The following KIF24 variants were observed in gnomAD, a reference collection of about 807,000 sequenced individuals.
KIF24 encodes kinesin family member 24.
A neutral mutation model predicts 118.9 loss-of-function variants in KIF24; 81 were observed. The ratio of observed to expected loss-of-function variants is 0.68; its 90% CI spans 0.57 to 0.82. The LOEUF (loss-of-function observed/expected upper bound fraction) is 0.82. KIF24 is among the 40% of genes least tolerant of loss of function. The pLI, the probability that KIF24 is intolerant of heterozygous loss-of-function variation, is 0.00. For synonymous variants in KIF24, 599 were observed against 610.0 expected, an observed-to-expected ratio of 0.98 and a Z score of 0.27; for missense variants, 1,560 against 1,661.6, an observed-to-expected ratio of 0.94 and a Z score of 1.06.
At position 34,256,024 on chromosome 9, in the gene KIF24, T is replaced by C. The variant is rs755772749; in HGVS notation, c.3583A>G (p.Ile1195Val). The change falls in exon 11 of 13, where the codon ATA (isoleucine) becomes GTA (valine). Residue 1195 changes from isoleucine to valine, a missense_variant. Around this residue, in one of 3 missense-constraint regions of KIF24, gnomAD observed 591 missense variants for 655.6 expected, o/e 0.90. Coordinates refer to ENST00000402558, the MANE Select transcript of KIF24 (RefSeq NM_194313.4). ...CCAGAATGGGGTACCCCCATATGTA[T>C]GGTGGTGAAGGGCTTTCCTGGGAAA... The part of the protein sequence containing the change: ...WGFPGKPFTT[I>V]HMGVPHSGPT... 8.4e-5 allele frequency: 135 copies of C among 1,613,782 alleles called. No individual in the cohort carries two copies. The highest frequency in any genetic ancestry group is 1.0e-4 in the Non-Finnish European group (120 of 1,179,856).
Position 34,290,284 on chromosome 9 carries a change from A to C in KIF24, c.1017T>G (p.Asp339Glu). The C allele has an allele frequency of 6.2e-7, 1 of 1,613,570 alleles. No homozygotes were observed. Among genetic ancestry groups the C allele is most frequent in the Non-Finnish European group, 8.5e-7 (1 of 1,179,482 alleles). ...NPGLYALAAKDIFRQLEVSQP... is the reference protein window; with the variant it reads ...NPGLYALAAKEIFRQLEVSQP... The stretch of plus-strand genomic sequence containing the variant: ...GGGACACTTCTAGTTGCCTGAAGAT[A>C]TCTTTGGCAGCTAGAGCATACAATC... The change falls in exon 5 of 13, where the codon GAT becomes GAG. Residue 339 changes from aspartate (D) to glutamate (E), a missense_variant. Around this residue, in one of 3 missense-constraint regions of KIF24, gnomAD observed 964 missense variants for 988.0 expected, o/e 0.98. Transcript: ENST00000402558.
chr9:34,293,766 G>A lies in KIF24; in HGVS notation c.911+3251C>T, dbSNP rs571300244. Among the ~76,000 whole-genome samples the A allele has an allele frequency of 3.9e-5, 6 of 152,114 alleles. No individual in the cohort carries two copies. In the South Asian group the frequency reaches 8.3e-4, roughly 21 times the overall value. ...ACTCCAGCCTGGGCTGCGAGACTCC[G>A]TCTCAAAAAAAAGAACATGAAAAGA... On this transcript the variant is annotated intron_variant, in intron 4 of 12. Transcript: ENST00000402558.
chr9:34,272,060 G>A, intron 6 of KIF24, 130 bp from the exon 7 acceptor site: 4 of 682,548 alleles, frequency 5.9e-6, no homozygotes, highest in African/African-American at 1.8e-5. Context: ...TTCTGTCCAG[G>A]TGGAAAACTG....
At chr9:34,316,461 C>T (rs538820892) in intron 1 of KIF24, among the ~76,000 whole-genome samples, 15 of 152,250 alleles carry the variant, frequency 9.9e-5, no homozygotes, top group Admixed American at 2.6e-4. Flanking sequence ...TAATTCTTTA[C>T]GAGTCCCATC....
At chr9:34,262,404 T>C (rs1001067143) in intron 9 of KIF24, among the ~76,000 whole-genome samples, 2 of 151,964 alleles carry the variant, frequency 1.3e-5, no homozygotes, top group Admixed American at 6.6e-5. Flanking sequence ...GAAAAGTTGT[T>C]TTGGATTTCA....
At chr9:34,280,427 CCTTTAATTG>C (rs1406144711) in intron 6 of KIF24, among the ~76,000 whole-genome samples, 1 of 151,942 alleles carries the variant, frequency 6.6e-6, no homozygotes, top group Non-Finnish European at 1.5e-5. Context: ...GCTTCTTTCG[CCTTTAATTG>C]GTCTAATCTT....
At position 34,318,612 on chromosome 9, in the gene KIF24, C is replaced by T. The variant is rs1216344688; in HGVS notation, c.-25-7241G>A. On this transcript the variant is annotated intron_variant, in intron 1 of 12. Transcript: ENST00000402558. This position sits in a 1 kb window ranked among gnomAD's most constrained non-coding sequence, Gnocchi z 4.9. ...CAGGCGGTGGAGAACATCCTGGTGT[C>T]GCCCGTGGTGGTGGCCTCGTCGTTG... is the stretch of plus-strand genomic sequence containing the variant. The T allele has an allele frequency of 6.7e-6, 10 of 1,491,078 alleles. No homozygotes were observed. Among genetic ancestry groups the T allele is most frequent in the Admixed American group, 3.5e-5 (2 of 57,236 alleles). The allele number at this position is 1,491,078 out of a possible 1,614,324, so 92.4% of individuals were successfully genotyped here.
intron 1 of KIF24, among the ~76,000 whole-genome samples, chr9:34,321,661 C>T (rs1447998330): frequency 7.2e-6 from 1 of 137,970 alleles, no homozygotes; most frequent in Non-Finnish European, 1.5e-5. Flanking sequence ...GGCTGGAGTA[C>T]AGTGGTGCAA....
At chr9:34,309,963 G>A (rs1463305043) in intron 2 of KIF24, among the ~76,000 whole-genome samples, 1 of 114,748 alleles carries the variant, frequency 8.7e-6, no homozygotes. Flanking sequence ...AATAAAACAA[G>A]GAGTACTTTT....
intron 2 of KIF24, among the ~76,000 whole-genome samples, chr9:34,310,048 C>T (rs1837078089): frequency 6.7e-6 from 1 of 149,664 alleles, no homozygotes; most frequent in Admixed American, 6.7e-5. Context: ...CTTGTTATTT[C>T]ACCTCTTAGG....
rs1304173194 is a variant in KIF24, at chr9:34,314,653, C to A, written c.-25-3282G>T. ...TATCAAAATTACAAATGCAAATGCA[C>A]TGATCCAGCAATTCTACCTCTAGGA... On this transcript the variant is annotated intron_variant, in intron 1 of 12. Coordinates refer to ENST00000402558, the MANE Select transcript of KIF24 (RefSeq NM_194313.4). Among the ~76,000 whole-genome samples, 3 of 152,196 alleles carry A rather than the reference C, an allele frequency of 2.0e-5. No individual in the cohort carries two copies. In the East Asian group the frequency reaches 5.8e-4, roughly 29 times the overall value.
chr9:34,330,071 G>C (rs888010354), upstream of KIF24, among the ~76,000 whole-genome samples: 1 of 152,246 alleles, frequency 6.6e-6, no homozygotes, highest in African/African-American at 2.4e-5. Context: ...TCGAACAAGA[G>C]CCCCACCGCC....
intron 6 of KIF24, among the ~76,000 whole-genome samples, chr9:34,284,811 G>C (rs1587937593): frequency 6.6e-6 from 1 of 151,956 alleles, no homozygotes; most frequent in South Asian, 2.1e-4. Context: ...TGATTACAAG[G>C]GTGCTTGTTT....
At chr9:34,263,423 T>C (rs561573189) in intron 8 of KIF24, among the ~76,000 whole-genome samples, 2 of 152,298 alleles carry the variant, frequency 1.3e-5, no homozygotes, top group South Asian at 2.1e-4. Context: ...GCCCCTGAGT[T>C]GACGGCGGGG....
rs1835157901 is a variant in KIF24 at position 34,263,148 on chromosome 9, C to A, written c.1468G>T (p.Asp490Tyr). 6.2e-7 allele frequency: 1 copy of A among 1,613,148 alleles called. No homozygotes were observed. The highest frequency in any genetic ancestry group is 2.2e-5 in the East Asian group (1 of 44,880). The change falls in exon 9 of 13, where the codon GAT becomes TAT. Residue 490 changes from aspartate to tyrosine, a missense_variant. By Grantham distance (160) the Asp-to-Tyr change is radical (BLOSUM62 -3). This residue lies in a region of KIF24 where 964 missense variants were observed against 988.0 expected (regional missense o/e 0.98). Transcript: ENST00000402558. ...LALKECIRAL[D>Y]QEHTHTPFRQ... ...AAGGGAGTATGGGTGTGTTCCTGAT[C>A]CAGTGCTCGGATACATTCCTTCAGC...
intron 1 of KIF24, among the ~76,000 whole-genome samples, chr9:34,320,873 G>C (rs1837498607): frequency 6.6e-6 from 1 of 152,036 alleles, no homozygotes; most frequent in East Asian, 1.9e-4. Context: ...GATCTCTTTA[G>C]ACAGGCTTAC....
chr9:34,319,493 CT>C, intron 1 of KIF24: 1 of 1,292,604 alleles, frequency 7.7e-7, no homozygotes, highest in Non-Finnish European at 1.1e-6. Flanking sequence ...ACGGCAACTC[CT>C]TTGACCAGGA....
intron 8 of KIF24, among the ~76,000 whole-genome samples, chr9:34,264,644 CT>C (rs1435337758): frequency 1.3e-5 from 2 of 152,170 alleles, no homozygotes; most frequent in African/African-American, 4.8e-5. Context: ...TATTCCCCAA[CT>C]TTAGCACTGA....
In KIF24 at chr9:34,323,902, G is replaced by A. The variant is rs192793680; in HGVS notation, c.-26+5204C>T. 5.9e-5 allele frequency among the ~76,000 whole-genome samples: 9 copies of A among 152,194 alleles called. No individual in the cohort carries two copies. The East Asian group carries it at 1.3e-3, about 23-fold the overall frequency. On this transcript the variant is annotated intron_variant, in intron 1 of 12. Coordinates refer to ENST00000402558, the MANE Select transcript of KIF24 (RefSeq NM_194313.4). ...CCCTTTTTACAAATAAAGAAACTGA[G>A]GCACAGATAATTTAATTTATTCAAA...
Sources: allele counts gnomAD v4.1 joint callset (sites outside exome capture counted in the v4.1 genomes callset), GRCh38; gene constraint gnomAD v4.1.1; regional missense constraint gnomAD v4.1.1; non-coding constraint Gnocchi (gnomAD v3.1); transcripts MANE v1.5; gene names NCBI Gene and HGNC (gene_info 2026-07-23, HGNC 2026-07-21).